VPS13B: variants seen among roughly 807,000 people sequenced by gnomAD.
VPS13B encodes the protein intermembrane lipid transfer protein VPS13B.
In VPS13B, 285 loss-of-function variants were observed where a neutral mutation model predicts 426.4. That is an observed-to-expected ratio of 0.67 (90% CI 0.61 to 0.74). The LOEUF is 0.74. VPS13B is among the 30% of genes least tolerant of loss of function. VPS13B has a pLI of 0.00. For missense variants in VPS13B, 4,537 were observed against 4,782.6 expected (o/e 0.95, Z 1.51); for synonymous variants, 1,676 against 1,676.4 (o/e 1.00, Z 0.01).
intron 19 of VPS13B, among the ~76,000 whole-genome samples, chr8:99,342,174 G>A (rs1245451874): frequency 6.6e-6 from 1 of 152,050 alleles, no homozygotes; most frequent in East Asian, 1.9e-4. Context: ...CTTGATATTT[G>A]TATACAATGT....
intron 21 of VPS13B, among the ~76,000 whole-genome samples, chr8:99,425,088 A>T (rs1276420861): frequency 6.6e-6 from 1 of 152,142 alleles, no homozygotes; most frequent in Non-Finnish European, 1.5e-5. Flanking sequence ...TTACCAACCA[A>T]AAAAAGTCCA....
In VPS13B at chr8:99,481,822, C is replaced by T. The variant is rs569308241; in HGVS notation, c.3870+20C>T. 2.2e-5 allele frequency: 36 copies of T among 1,612,616 alleles called. No homozygotes were observed. In the East Asian group the frequency reaches 7.4e-4, roughly 33 times the overall value. Reference sequence around the variant, plus strand: ...ACTGAGGTAAGTGTTTTTGAAAATCCTGTTACAAAATGAAGGTTAATATAT... The same window carrying T: ...ACTGAGGTAAGTGTTTTTGAAAATCTTGTTACAAAATGAAGGTTAATATAT... On this transcript the variant is annotated intron_variant, in intron 25 of 61. Coordinates refer to ENST00000357162, the MANE Select transcript of VPS13B (RefSeq NM_152564.5).
intron 33 of VPS13B, among the ~76,000 whole-genome samples, chr8:99,633,806 G>GGTGTGTGTGTGT (rs139474452): frequency 0.054 from 7,735 of 143,874 alleles, 261 homozygotes; most frequent in Middle Eastern, 0.077. Context: ...GAATGTGTCA[G>GGTGTGTGTGTGT]GTGTGTGTGT....
chr8:99,159,774 C>G (rs1161987780), intron 15 of VPS13B, among the ~76,000 whole-genome samples: 2 of 152,172 alleles, frequency 1.3e-5, no homozygotes, highest in Non-Finnish European at 1.5e-5. Flanking sequence ...ATTCTCCCAT[C>G]TCAGTCTCCC....
intron 30 of VPS13B, among the ~76,000 whole-genome samples, chr8:99,542,658 G>C (rs746465364): frequency 6.6e-6 from 1 of 152,100 alleles, no homozygotes; most frequent in East Asian, 1.9e-4. Context: ...TGGATGGAGA[G>C]CCCTTAAGTA....
At chr8:99,728,023 A>T (rs763145968) in intron 39 of VPS13B, among the ~76,000 whole-genome samples, 1 of 152,232 alleles carries the variant, frequency 6.6e-6, no homozygotes, top group East Asian at 1.9e-4. Context: ...GTCTGTCTAC[A>T]TGGAGAAAGT....
chr8:99,317,595 A>G (rs565415908), intron 19 of VPS13B, among the ~76,000 whole-genome samples: 1 of 152,278 alleles, frequency 6.6e-6, no homozygotes, highest in East Asian at 1.9e-4. Context: ...CCTCTGGGTA[A>G]CCATTCCTTC....
At chr8:99,436,942 T>C (rs1454141704) in intron 22 of VPS13B, among the ~76,000 whole-genome samples, 1 of 152,138 alleles carries the variant, frequency 6.6e-6, no homozygotes, top group Non-Finnish European at 1.5e-5. Context: ...AGTTTCACCG[T>C]GTTAGCCAGG....
At chr8:99,147,052 T>C (rs1203089725) in intron 13 of VPS13B, among the ~76,000 whole-genome samples, 1 of 152,106 alleles carries the variant, frequency 6.6e-6, no homozygotes, top group Non-Finnish European at 1.5e-5. Context: ...GTCACCATTA[T>C]AGTGTGTAAT....
At chr8:99,130,581 A>G (rs971133177) in intron 8 of VPS13B, among the ~76,000 whole-genome samples, 1 of 151,954 alleles carries the variant, frequency 6.6e-6, no homozygotes, top group South Asian at 2.1e-4. Context: ...TAGTAGAGAC[A>G]GGGTTTCACC....
At chr8:99,860,955 T>C (rs1179319219) in intron 57 of VPS13B, among the ~76,000 whole-genome samples, 1 of 152,232 alleles carries the variant, frequency 6.6e-6, no homozygotes, top group East Asian at 1.9e-4. Context: ...ATCCTCAGAA[T>C]GGCAAATGAT....
At chr8:99,333,965 T>A (rs1475397863) in intron 19 of VPS13B, among the ~76,000 whole-genome samples, 1 of 152,024 alleles carries the variant, frequency 6.6e-6, no homozygotes, top group Admixed American at 6.6e-5. Context: ...TTCTTCATTC[T>A]ACTATTGATG....
At chr8:99,563,534 A>G (rs1825037590) in intron 31 of VPS13B, among the ~76,000 whole-genome samples, 1 of 152,224 alleles carries the variant, frequency 6.6e-6, no homozygotes, top group Admixed American at 6.5e-5. Context: ...TAAAAGAAAA[A>G]AAAGAGAAAT....
rs181223134 is a variant in VPS13B, at chr8:99,561,946, G to A, written c.4949+5293G>A. On this transcript the variant is annotated intron_variant, in intron 31 of 61. Transcript: ENST00000357162. ...ATACACCTAGAAGTAGAATTACAGGGTCATATGGCAATTTTATGTTCAGCT... is the reference window on the plus strand; with the variant it reads ...ATACACCTAGAAGTAGAATTACAGGATCATATGGCAATTTTATGTTCAGCT... Among the ~76,000 whole-genome samples, 24 of 152,226 alleles carry A rather than the reference G, an allele frequency of 1.6e-4. No individual in the cohort carries two copies. The East Asian group carries it at 4.6e-3, about 29-fold the overall frequency.
intron 23 of VPS13B, among the ~76,000 whole-genome samples, chr8:99,445,203 A>C: frequency 6.7e-6 from 1 of 149,732 alleles, no homozygotes; most frequent in Middle Eastern, 3.5e-3. Context: ...TTGTAATATG[A>C]AATTTTTATA....
intron 22 of VPS13B, among the ~76,000 whole-genome samples, chr8:99,434,797 A>G (rs931477165): frequency 2.0e-5 from 3 of 152,178 alleles, no homozygotes; most frequent in Admixed American, 6.5e-5. Flanking sequence ...TGACTCTTTT[A>G]GGGATATCAG....
At chr8:99,375,468 C>G (rs746942600) in intron 19 of VPS13B, among the ~76,000 whole-genome samples, 29 of 152,262 alleles carry the variant, frequency 1.9e-4, no homozygotes, top group Non-Finnish European at 3.5e-4. Context: ...AATGAGCTAC[C>G]ATACGCACAT....
At chr8:99,031,259 A>T (rs1358241121) in intron 2 of VPS13B, among the ~76,000 whole-genome samples, 2 of 151,944 alleles carry the variant, frequency 1.3e-5, no homozygotes, top group African/African-American at 4.8e-5. Context: ...TTTATGGCAT[A>T]TATCTGTTCG....
intron 30 of VPS13B, among the ~76,000 whole-genome samples, chr8:99,551,895 G>C (rs1469486354): frequency 6.6e-6 from 1 of 151,868 alleles, no homozygotes; most frequent in Admixed American, 6.6e-5. Flanking sequence ...GGGCTGCCTG[G>C]ATTTAGGGCT....
Sources: allele counts gnomAD v4.1 joint callset (sites outside exome capture counted in the v4.1 genomes callset), GRCh38; gene constraint gnomAD v4.1.1; transcripts MANE v1.5; gene names NCBI Gene and HGNC (gene_info 2026-07-23, HGNC 2026-07-21).